The following PPP1R9A variants were observed in gnomAD, a reference collection of about 807,000 sequenced individuals.
The protein encoded by PPP1R9A is protein phosphatase 1 regulatory subunit 9A, also known as neurabin-1.
In PPP1R9A, 59 loss-of-function variants were observed where a neutral mutation model predicts 141.9. The ratio of observed to expected loss-of-function variants is 0.42; its 90% CI spans 0.34 to 0.52. The LOEUF is 0.52. PPP1R9A is among the 20% of genes least tolerant of loss of function. The pLI, the probability that PPP1R9A is intolerant of heterozygous loss-of-function variation, is 0.10. For synonymous variants in PPP1R9A, 500 were observed against 569.7 expected, an observed-to-expected ratio of 0.88 and a Z score of 1.74; for missense variants, 1,444 against 1,611.9, an observed-to-expected ratio of 0.90 and a Z score of 1.78.
chr7:95,231,187 C>A (rs574964541), intron 8 of PPP1R9A, among the ~76,000 whole-genome samples: 37 of 152,140 alleles, frequency 2.4e-4, no homozygotes, highest in African/African-American at 8.7e-4. Flanking sequence ...AAGGACTAGT[C>A]CAACAAGAAA....
intron 4 of PPP1R9A, among the ~76,000 whole-genome samples, chr7:95,152,586 C>T (rs1014563874): frequency 1.1e-4 from 16 of 152,120 alleles, no homozygotes; most frequent in Admixed American, 5.2e-4. Flanking sequence ...AATTCTGGAG[C>T]AACCTTTCAC....
intron 5 of PPP1R9A, among the ~76,000 whole-genome samples, chr7:95,181,551 AAT>A (rs895876946): frequency 5.8e-5 from 8 of 138,248 alleles, no homozygotes; most frequent in Non-Finnish European, 1.1e-4. Context: ...ATAGAGAGAG[AAT>A]ATATATAGAA....
At chr7:95,055,911 G>A (rs1412232059) in intron 2 of PPP1R9A, among the ~76,000 whole-genome samples, 1 of 152,060 alleles carries the variant, frequency 6.6e-6, no homozygotes, top group Admixed American at 6.6e-5. Context: ...CCTACCATGT[G>A]CCAGAATAAC....
chr7:95,106,194 T>G (rs1426137912), intron 2 of PPP1R9A, among the ~76,000 whole-genome samples: 1 of 152,178 alleles, frequency 6.6e-6, no homozygotes, highest in Non-Finnish European at 1.5e-5. Context: ...AAGCTTTTCC[T>G]CTCCCCTCAT....
intron 2 of PPP1R9A, among the ~76,000 whole-genome samples, chr7:95,079,299 C>T (rs895363365): frequency 1.5e-4 from 23 of 151,988 alleles, no homozygotes; most frequent in South Asian, 4.1e-4. Flanking sequence ...TGTAGATATG[C>T]GGCATTATTT....
chr7:94,928,288 A>G (rs1342276870), intron 2 of PPP1R9A, among the ~76,000 whole-genome samples: 5 of 152,072 alleles, frequency 3.3e-5, no homozygotes, highest in Non-Finnish European at 1.5e-5. Flanking sequence ...TGGTAGTTCA[A>G]GGAGGGACTT....
intron 2 of PPP1R9A, among the ~76,000 whole-genome samples, chr7:95,046,996 T>C (rs1313328534): frequency 6.6e-6 from 1 of 152,214 alleles, no homozygotes; most frequent in Non-Finnish European, 1.5e-5. Context: ...TTGTATGTCT[T>C]GGTTGTGGTG....
At chr7:95,020,571 C>T (rs757210948) in intron 2 of PPP1R9A, among the ~76,000 whole-genome samples, 71 of 152,090 alleles carry the variant, frequency 4.7e-4, no homozygotes, top group Non-Finnish European at 8.1e-4. Context: ...ATCAACCCGT[C>T]ATCTACATTA....
intron 2 of PPP1R9A, among the ~76,000 whole-genome samples, chr7:94,971,270 A>C (rs1042929434): frequency 6.6e-6 from 1 of 152,200 alleles, no homozygotes; most frequent in African/African-American, 2.4e-5. Flanking sequence ...AATCACATTT[A>C]AGTAATCCTC....
intron 3 of PPP1R9A, among the ~76,000 whole-genome samples, chr7:95,111,644 G>A (rs1286155132): frequency 6.6e-6 from 1 of 152,120 alleles, no homozygotes; most frequent in Non-Finnish European, 1.5e-5. Flanking sequence ...TATAAGTGAG[G>A]CCTAATGCTT....
Position 94,910,730 on chromosome 7 carries a change from G to C in PPP1R9A, c.617G>C (p.Ser206Thr). The C allele has an allele frequency of 6.2e-7, 1 of 1,614,132 alleles. No homozygotes were observed. The highest frequency in any genetic ancestry group is 8.5e-7 in the Non-Finnish European group (1 of 1,180,022). Residue 206 changes from serine to threonine, a missense_variant, in exon 2 of 20, where the codon AGT (serine) becomes ACT (threonine). Physicochemically the swap from Ser to Thr is moderately conservative, Grantham distance 58 (BLOSUM62 1). Coordinates refer to ENST00000433360, the MANE Select transcript of PPP1R9A (RefSeq NM_001166160.2). The surrounding 1 kb of genome is among the most constrained non-coding windows in gnomAD (Gnocchi z 4.5). Reference protein sequence around the residue: ...EAVSPTVSQLSAVFENTDSPS... With the variant: ...EAVSPTVSQLTAVFENTDSPS... ...GTCTCCCCAACTGTGAGTCAACTGA[G>C]TGCAGTATTTGAGAACACTGATTCT... is the stretch of plus-strand genomic sequence containing the variant.
At chr7:95,189,652 G>T (rs1835190749) in intron 5 of PPP1R9A, among the ~76,000 whole-genome samples, 1 of 151,678 alleles carries the variant, frequency 6.6e-6, no homozygotes, top group Non-Finnish European at 1.5e-5. Context: ...TAGCCGGGAT[G>T]GTCTCGATCT....
intron 2 of PPP1R9A, among the ~76,000 whole-genome samples, chr7:94,973,345 G>A (rs1236570599): frequency 6.6e-6 from 1 of 152,172 alleles, no homozygotes; most frequent in East Asian, 1.9e-4. Flanking sequence ...GAGATGTAGA[G>A]AGAATGATAG....
chr7:94,986,252 T>A (rs981391289), intron 2 of PPP1R9A, among the ~76,000 whole-genome samples: 2 of 152,214 alleles, frequency 1.3e-5, no homozygotes, highest in Non-Finnish European at 2.9e-5. Flanking sequence ...TCTTGTCCAC[T>A]TGACTTCATG....
chr7:95,248,742 T>C (rs1262325674), intron 9 of PPP1R9A, among the ~76,000 whole-genome samples: 2 of 152,160 alleles, frequency 1.3e-5, no homozygotes, highest in Non-Finnish European at 2.9e-5. Context: ...CATCATTATA[T>C]TGGCATGTAA....
intron 2 of PPP1R9A, among the ~76,000 whole-genome samples, chr7:95,031,526 G>A (rs1445199869): frequency 6.6e-6 from 1 of 152,100 alleles, no homozygotes; most frequent in Non-Finnish European, 1.5e-5. Flanking sequence ...AGTTTCAGGT[G>A]GGTGGGATCA....
chr7:95,251,828 T>C lies in PPP1R9A; in HGVS notation c.2463T>C (p.His821=). The change falls in exon 11 of 20, where the codon CAT becomes CAC. Residue 821 remains histidine, a synonymous_variant. Coordinates refer to ENST00000433360, the MANE Select transcript of PPP1R9A (RefSeq NM_001166160.2). ...AAATAGAAGATTTGGAAAAAGCTCA[T>C]CTTGTGGAAGTGCAAGGCCTCCAAG... ...RKKIEDLEKA[H]LVEVQGLQVR... is the part of the protein sequence containing the mutation. 1 of 1,613,938 alleles carries C rather than the reference T, an allele frequency of 6.2e-7. No individual in the cohort carries two copies. Among genetic ancestry groups the C allele is most frequent in the Non-Finnish European group, 8.5e-7 (1 of 1,179,898 alleles).
intron 2 of PPP1R9A, among the ~76,000 whole-genome samples, chr7:95,013,158 G>C (rs115432542): frequency 3.9e-5 from 6 of 152,064 alleles, no homozygotes; most frequent in African/African-American, 1.2e-4. Context: ...TTTTAATCTT[G>C]TGAGCCTTTG....
chr7:95,073,493 C>A (rs6465454), intron 2 of PPP1R9A, among the ~76,000 whole-genome samples: 75,086 of 151,650 alleles, frequency 0.5, 19,521 homozygotes, highest in African/African-American at 0.62. Context: ...AACTTAATAA[C>A]ACATTTGCAG....
Sources: allele counts gnomAD v4.1 joint callset (sites outside exome capture counted in the v4.1 genomes callset), GRCh38; gene constraint gnomAD v4.1.1; non-coding constraint Gnocchi (gnomAD v3.1); transcripts MANE v1.5; gene names NCBI Gene and HGNC (gene_info 2026-07-23, HGNC 2026-07-21).